TRIM9: variants seen among roughly 807,000 people sequenced by gnomAD.
The protein encoded by TRIM9 is tripartite motif containing 9.
TRIM9 carries 26 observed loss-of-function variants against 78.3 expected under a neutral mutation model. The ratio of observed to expected loss-of-function variants is 0.33; its 90% CI spans 0.24 to 0.46. The LOEUF is 0.46. TRIM9 is among the 20% of genes least tolerant of loss of function. TRIM9 has a pLI of 1.00. For missense variants in TRIM9, 787 were observed against 1,036.4 expected (o/e 0.76, Z 3.30); for synonymous variants, 398 against 416.5 (o/e 0.96, Z 0.54).
At chr14:51,022,386 G>T (rs936113378) in intron 3 of TRIM9, among the ~76,000 whole-genome samples, 5 of 152,104 alleles carry the variant, frequency 3.3e-5, no homozygotes, top group African/African-American at 9.7e-5. Context: ...CAGCATGAAG[G>T]CCCCACCAGA....
intron 3 of TRIM9, among the ~76,000 whole-genome samples, chr14:51,019,734 T>C (rs949335350): frequency 6.6e-5 from 10 of 152,314 alleles, no homozygotes; most frequent in South Asian, 2.1e-4. Flanking sequence ...CAATGCCCTA[T>C]GAGGTACCAC....
At chr14:51,053,581 T>A (rs1489442275) in intron 1 of TRIM9, among the ~76,000 whole-genome samples, 1 of 56,902 alleles carries the variant, frequency 1.8e-5, no homozygotes, top group Non-Finnish European at 3.4e-5. Context: ...TTTAATTTTC[T>A]TTTTTTTTTT....
chr14:50,979,133 C>G, intron 12 of TRIM9: 1 of 1,398,602 alleles, frequency 7.2e-7, no homozygotes, highest in Non-Finnish European at 9.3e-7. Flanking sequence ...TGATCATTAG[C>G]CAACCATGAA....
Position 50,977,180 on chromosome 14 carries a change from C to G in TRIM9, c.*111G>C, listed in dbSNP as rs918002177. 1.2e-6 allele frequency: 1 copy of G among 839,002 alleles called. No individual in the cohort carries two copies. The highest frequency in any genetic ancestry group is 1.8e-5 in the African/African-American group (1 of 56,754). 52.0% of individuals were successfully genotyped at this position (839,002 alleles called of 1,614,324 possible). ...TGCAGAGGACCAGCTTTTCTCTCCT[C>G]CTTCTCCCACTCCTGCCAACTCTGC... On this transcript the variant is annotated 3_prime_UTR_variant, in exon 13 of 13. Transcript: ENST00000684578.
At chr14:50,996,041 G>A in intron 7 of TRIM9, 1 of 961,446 alleles carries the variant, frequency 1.0e-6, no homozygotes, top group Non-Finnish European at 1.2e-6. Context: ...GAATGAGGGA[G>A]AAACAAATAG....
At position 51,000,775 on chromosome 14, in the gene TRIM9, C is replaced by T. The variant is rs748027418; in HGVS notation, c.1372G>A (p.Ala458Thr). ...GGTGGCTGTTTCCAGGACAACGTAG[C>T]GCTGTTGTTGTGGGTACAACATTCC... ...LEECCTHNNS[A>T]TLSWKQPPLS... Residue 458 changes from alanine to threonine, a missense_variant, in exon 6 of 13, where the codon GCT (alanine) becomes ACT (threonine). By Grantham distance (58) the Ala-to-Thr change is moderately conservative. Around this residue, in one of 3 missense-constraint regions of TRIM9, gnomAD observed 421 missense variants for 514.3 expected, o/e 0.82. Coordinates refer to ENST00000684578, the MANE Select transcript of TRIM9 (RefSeq NM_001387360.1). 28 of 1,614,086 alleles carry T rather than the reference C, an allele frequency of 1.7e-5. No individual in the cohort carries two copies. The highest frequency in any genetic ancestry group is 3.3e-4 in the Middle Eastern group (2 of 6,084).
At chr14:51,005,522 G>C (rs1029906157) in intron 5 of TRIM9, among the ~76,000 whole-genome samples, 1 of 152,152 alleles carries the variant, frequency 6.6e-6, no homozygotes, top group Non-Finnish European at 1.5e-5. Flanking sequence ...TATTTATTGG[G>C]GGAGGAAGTA....
At chr14:51,084,014 G>T (rs2063540953) in intron 1 of TRIM9, among the ~76,000 whole-genome samples, 1 of 152,030 alleles carries the variant, frequency 6.6e-6, no homozygotes, top group Non-Finnish European at 1.5e-5. Flanking sequence ...AGAATTGAGG[G>T]TATTCTAAAT....
chr14:51,065,324 C>T (rs2061649147), intron 1 of TRIM9, among the ~76,000 whole-genome samples: 1 of 152,200 alleles, frequency 6.6e-6, no homozygotes, highest in Non-Finnish European at 1.5e-5. Context: ...ATTTTACTGG[C>T]TGCTTGGTAA....
intron 7 of TRIM9, chr14:50,996,858 T>G (rs1376890060): frequency 8.1e-6 from 8 of 985,336 alleles, no homozygotes; most frequent in Non-Finnish European, 9.6e-6. Context: ...TAGCATCACT[T>G]AGACTGACAA....
intron 7 of TRIM9, 40 bp downstream of exon 7, chr14:50,998,010 C>T (rs748897524): frequency 2.2e-5 from 35 of 1,612,732 alleles, no homozygotes; most frequent in African/African-American, 9.3e-5. Flanking sequence ...TTAGATGCCA[C>T]GCAGTTCTCG....
At chr14:51,043,887 A>T (rs2059751977) in intron 1 of TRIM9, among the ~76,000 whole-genome samples, 1 of 152,164 alleles carries the variant, frequency 6.6e-6, no homozygotes, top group Admixed American at 6.5e-5. Flanking sequence ...GGCCAAATAC[A>T]TGTGCATACG....
chr14:51,004,733 T>C (rs540898913), intron 5 of TRIM9, among the ~76,000 whole-genome samples: 3 of 152,318 alleles, frequency 2.0e-5, no homozygotes, highest in South Asian at 2.1e-4. Context: ...GTTTTACAGC[T>C]AGTAAGTGGC....
intron 1 of TRIM9, among the ~76,000 whole-genome samples, chr14:51,045,596 T>C (rs188043767): frequency 1.6e-4 from 25 of 152,290 alleles, no homozygotes; most frequent in Admixed American, 1.2e-3. Context: ...TAAATCCACA[T>C]TGGTAAAGAG....
intron 1 of TRIM9, among the ~76,000 whole-genome samples, chr14:51,074,248 G>T (rs533698801): frequency 2.0e-5 from 3 of 151,572 alleles, no homozygotes; most frequent in African/African-American, 7.3e-5. Context: ...GCAAGACTCC[G>T]TCTCTACAAA....
chr14:50,997,774 T>C, intron 7 of TRIM9: 1 of 1,356,746 alleles, frequency 7.4e-7, no homozygotes, highest in East Asian at 2.7e-5. Flanking sequence ...GCCTTCATTT[T>C]TCAGCTTCTT....
At chr14:51,035,787 T>C (rs1293998402) in intron 1 of TRIM9, among the ~76,000 whole-genome samples, 1 of 152,232 alleles carries the variant, frequency 6.6e-6, no homozygotes, top group Non-Finnish European at 1.5e-5. Context: ...ATCTCTGGAA[T>C]GTAAAATCCA....
chr14:51,032,367 C>A (rs183807125), intron 1 of TRIM9, among the ~76,000 whole-genome samples: 1 of 152,328 alleles, frequency 6.6e-6, no homozygotes, highest in East Asian at 1.9e-4. Flanking sequence ...AAAGACTATG[C>A]ATCCTTCTCC....
chr14:51,033,537 T>A (rs1302139202), intron 1 of TRIM9, among the ~76,000 whole-genome samples: 2 of 152,220 alleles, frequency 1.3e-5, no homozygotes, highest in Non-Finnish European at 1.5e-5. Flanking sequence ...TCAGAACAAT[T>A]TGCTCTGGTC....
Sources: allele counts gnomAD v4.1 joint callset (sites outside exome capture counted in the v4.1 genomes callset), GRCh38; gene constraint gnomAD v4.1.1; regional missense constraint gnomAD v4.1.1; transcripts MANE v1.5; gene names NCBI Gene and HGNC (gene_info 2026-07-23, HGNC 2026-07-21).